MACROD2: variants seen among roughly 807,000 people sequenced by gnomAD.
MACROD2 encodes the protein ADP-ribose glycohydrolase MACROD2.
Under a neutral mutation model 70.4 loss-of-function variants are expected in MACROD2, and 36 were observed. The ratio of observed to expected loss-of-function variants is 0.51; its 90% CI spans 0.39 to 0.68. The LOEUF is 0.68. Among genes scored for constraint, MACROD2 ranks in the 30% least tolerant of loss-of-function variants. The pLI is 0.00. For synonymous variants in MACROD2, 172 were observed against 178.8 expected (o/e 0.96, Z 0.30); for missense variants, 496 against 538.4 (o/e 0.92, Z 0.78).
intron 15 of MACROD2, among the ~76,000 whole-genome samples, chr20:16,002,380 T>C (rs2066721702): frequency 6.6e-6 from 1 of 152,158 alleles, no homozygotes; most frequent in South Asian, 2.1e-4. Context: ...ACGATGCTGA[T>C]GTAATTAAGT....
intron 6 of MACROD2, among the ~76,000 whole-genome samples, chr20:15,419,783 C>A (rs1364244404): frequency 6.6e-6 from 1 of 152,192 alleles, no homozygotes; most frequent in African/African-American, 2.4e-5. Context: ...CAGAATGTGC[C>A]TGATACATGT....
At chr20:14,502,205 C>G (rs188471897) in intron 4 of MACROD2, among the ~76,000 whole-genome samples, 2 of 152,260 alleles carry the variant, frequency 1.3e-5, no homozygotes, top group Admixed American at 1.3e-4. Context: ...TTAACTGTAT[C>G]TGATGTAGCT....
At position 14,642,632 on chromosome 20, in the gene MACROD2, G is replaced by A. The variant is rs11905579; in HGVS notation, c.302-42211G>A. The stretch of plus-strand genomic sequence containing the variant: ...CAATATTGTTGTGTCTCAGCCAATC[G>A]AAAAGCCCAAGGAGAGGAAGAGAGA... On this transcript the variant is annotated intron_variant, in intron 4 of 17. Transcript: ENST00000684519. Among the ~76,000 whole-genome samples, 1,234 of 152,138 alleles carry A rather than the reference G, an allele frequency of 8.1e-3. 19 individuals are homozygous for A. Among genetic ancestry groups the A allele is most frequent in the African/African-American group, 0.029 (1,193 of 41,480 alleles).
intron 5 of MACROD2, among the ~76,000 whole-genome samples, chr20:15,133,422 T>G (rs2123282683): frequency 1.3e-5 from 2 of 152,250 alleles, no homozygotes; most frequent in Admixed American, 1.3e-4. Flanking sequence ...AAATTGTTGG[T>G]AAGTCTCATA....
intron 5 of MACROD2, among the ~76,000 whole-genome samples, chr20:15,070,022 G>A (rs2123104745): frequency 6.6e-6 from 1 of 152,286 alleles, no homozygotes; most frequent in Non-Finnish European, 1.5e-5. Context: ...ACCTTTGAAA[G>A]CAGTCACAGA....
chr20:14,476,360 C>T (rs2084594616), intron 3 of MACROD2, among the ~76,000 whole-genome samples: 1 of 151,910 alleles, frequency 6.6e-6, no homozygotes, highest in Non-Finnish European at 1.5e-5. Context: ...TCATTTATTA[C>T]CTTTTGTTTT....
intron 3 of MACROD2, among the ~76,000 whole-genome samples, chr20:14,334,928 A>G (rs1217716043): frequency 6.6e-6 from 1 of 152,160 alleles, no homozygotes; most frequent in African/African-American, 2.4e-5. Context: ...CCTTAAAAAG[A>G]GGCATAGAAG....
chr20:15,568,114 G>A (rs191582467), intron 8 of MACROD2, among the ~76,000 whole-genome samples: 37 of 152,244 alleles, frequency 2.4e-4, no homozygotes, highest in African/African-American at 8.9e-4. Flanking sequence ...TTTCTACATA[G>A]GAAAAGCCCT....
chr20:15,756,641 A>C (rs6043519), intron 8 of MACROD2, among the ~76,000 whole-genome samples: 10,895 of 152,206 alleles, frequency 0.072, 1,340 homozygotes, highest in African/African-American at 0.25. Flanking sequence ...ACATGCTCTG[A>C]ATTTGAATAA....
At chr20:15,407,935 A>G (rs1455079731) in intron 6 of MACROD2, among the ~76,000 whole-genome samples, 1 of 152,190 alleles carries the variant, frequency 6.6e-6, no homozygotes, top group Non-Finnish European at 1.5e-5. Context: ...AGGGTCACAC[A>G]GCTCATCAGT....
intron 6 of MACROD2, among the ~76,000 whole-genome samples, chr20:15,233,891 A>G (rs953849863): frequency 4.1e-5 from 6 of 145,472 alleles, no homozygotes; most frequent in Admixed American, 3.5e-4. Context: ...TCTTCCAAAT[A>G]TTATTCCTTA....
intron 5 of MACROD2, among the ~76,000 whole-genome samples, chr20:15,119,651 T>G (rs2076016734): frequency 6.6e-6 from 1 of 152,248 alleles, no homozygotes; most frequent in South Asian, 2.1e-4. Flanking sequence ...CTACCCATTG[T>G]GACCACACAT....
intron 8 of MACROD2, among the ~76,000 whole-genome samples, chr20:15,680,652 C>G (rs1029583368): frequency 1.3e-5 from 2 of 152,086 alleles, no homozygotes; most frequent in Admixed American, 6.5e-5. Context: ...CTGCAGGCCT[C>G]CAGTTCCCCC....
intron 5 of MACROD2, among the ~76,000 whole-genome samples, chr20:15,027,482 T>C (rs1302631318): frequency 6.6e-6 from 1 of 152,044 alleles, no homozygotes; most frequent in Non-Finnish European, 1.5e-5. Flanking sequence ...CTCAGCTGTG[T>C]AGATGAGACA....
intron 8 of MACROD2, among the ~76,000 whole-genome samples, chr20:15,793,124 TG>T (rs2063640305): frequency 1.3e-5 from 2 of 151,834 alleles, no homozygotes; most frequent in Non-Finnish European, 2.9e-5. Flanking sequence ...AAAAAGACTG[TG>T]TGTGTGTGTG....
intron 3 of MACROD2, among the ~76,000 whole-genome samples, chr20:14,137,572 A>C (rs1458588850): frequency 6.6e-6 from 1 of 152,200 alleles, no homozygotes; most frequent in East Asian, 1.9e-4. Flanking sequence ...AAAACTTCAT[A>C]TCCACCATGA....
At chr20:15,910,459 G>A (rs547548867) in intron 10 of MACROD2, among the ~76,000 whole-genome samples, 78 of 151,874 alleles carry the variant, frequency 5.1e-4, no homozygotes, top group African/African-American at 1.9e-3. Context: ...TTCTCTAAAA[G>A]AGAGTTTTGA....
intron 6 of MACROD2, among the ~76,000 whole-genome samples, chr20:15,422,114 A>G (rs1225059718): frequency 2.0e-5 from 3 of 152,188 alleles, no homozygotes; most frequent in Non-Finnish European, 4.4e-5. Context: ...AAAAAGTGGA[A>G]GGGAGGGGCT....
At chr20:14,640,135 C>T (rs1475664646) in intron 4 of MACROD2, among the ~76,000 whole-genome samples, 1 of 152,100 alleles carries the variant, frequency 6.6e-6, no homozygotes, top group Non-Finnish European at 1.5e-5. Flanking sequence ...ATACTGATCA[C>T]GATTTTGAAA....
Sources: gnomAD v4.1 joint callset for allele counts (sites outside exome capture counted in the v4.1 genomes callset) on GRCh38, gnomAD v4.1.1 for gene constraint, MANE v1.5 for transcripts, NCBI Gene and HGNC (gene_info 2026-07-23, HGNC 2026-07-21) for gene names.